The following BMPR1B variants were observed in gnomAD, a reference collection of about 807,000 sequenced individuals.
BMPR1B encodes the protein bone morphogenetic protein receptor type 1B.
In BMPR1B, 12 loss-of-function variants were observed where a neutral mutation model predicts 59.1. That is an observed-to-expected ratio of 0.20 (90% CI 0.13 to 0.33). The LOEUF is 0.33. BMPR1B is among the 10% of genes least tolerant of loss of function. The pLI, the probability that BMPR1B is intolerant of heterozygous loss-of-function variation, is 1.00. For missense variants in BMPR1B, 550 were observed against 610.9 expected, an observed-to-expected ratio of 0.90 and a Z score of 1.05; for synonymous variants, 237 against 207.3, an observed-to-expected ratio of 1.14 and a Z score of -1.23.
At chr4:95,114,645 G>GGC (rs1553939325) in intron 4 of BMPR1B, 75 bp from the exon 5 acceptor site, 1 of 900,540 alleles carries the variant, frequency 1.1e-6, no homozygotes, top group African/African-American at 1.7e-5. Context: ...TTTTCCCCTA[G>GGC]ACACACACAC....
At chr4:94,946,595 A>G (rs1578835025) in intron 2 of BMPR1B, among the ~76,000 whole-genome samples, 1 of 152,340 alleles carries the variant, frequency 6.6e-6, no homozygotes, top group East Asian at 1.9e-4. Context: ...GTTTGCCAAG[A>G]ATAGCTGAAA....
At chr4:94,970,345 ACT>A (rs1439633798) in intron 2 of BMPR1B, among the ~76,000 whole-genome samples, 6 of 111,356 alleles carry the variant, frequency 5.4e-5, no homozygotes, top group African/African-American at 2.1e-4. Flanking sequence ...TCGGAGTTTC[ACT>A]CTCTGTCACC....
chr4:95,095,473 T>C (rs1730300847), intron 3 of BMPR1B, among the ~76,000 whole-genome samples: 1 of 152,114 alleles, frequency 6.6e-6, no homozygotes, highest in African/African-American at 2.4e-5. Context: ...TTTCTTCCAC[T>C]AACCTCTTTA....
intron 2 of BMPR1B, among the ~76,000 whole-genome samples, chr4:94,914,213 G>C (rs1278837853): frequency 6.6e-6 from 1 of 152,114 alleles, no homozygotes; most frequent in Non-Finnish European, 1.5e-5. Context: ...TGTGCAGCTA[G>C]GTGGTCTCGA....
At chr4:95,004,245 A>C in intron 3 of BMPR1B, among the ~76,000 whole-genome samples, 1 of 152,120 alleles carries the variant, frequency 6.6e-6, no homozygotes, top group African/African-American at 2.4e-5. Flanking sequence ...TCTTTAACTC[A>C]AGGCAAACAA....
At chr4:95,149,037 C>G in intron 11 of BMPR1B, 114 bp downstream of exon 11, 1 of 1,393,962 alleles carries the variant, frequency 7.2e-7, no homozygotes, top group Non-Finnish European at 1.0e-6. Flanking sequence ...TTATTTTCCC[C>G]TTTATTTCTG....
intron 10 of BMPR1B, among the ~76,000 whole-genome samples, chr4:95,139,763 C>T (rs974639929): frequency 2.0e-5 from 3 of 152,128 alleles, no homozygotes; most frequent in African/African-American, 7.2e-5. Flanking sequence ...CCTGGTGTGC[C>T]GTTTGCTAAG....
chr4:94,848,206 A>G (rs1725415995), intron 1 of BMPR1B, among the ~76,000 whole-genome samples: 2 of 108,758 alleles, frequency 1.8e-5, no homozygotes, highest in South Asian at 3.6e-4. Flanking sequence ...AAAGGAAGCT[A>G]GATATCAGTT....
intron 2 of BMPR1B, among the ~76,000 whole-genome samples, chr4:94,945,120 A>G (rs536904749): frequency 1.3e-5 from 2 of 152,340 alleles, no homozygotes; most frequent in African/African-American, 4.8e-5. Flanking sequence ...CATTTAGCAC[A>G]TTGGCTAAGA....
intron 3 of BMPR1B, among the ~76,000 whole-genome samples, chr4:95,073,415 C>T (rs1728468619): frequency 1.3e-5 from 2 of 152,044 alleles, no homozygotes; most frequent in South Asian, 2.1e-4. Flanking sequence ...TGTGAAAACC[C>T]TTTTTTTATG....
intron 2 of BMPR1B, among the ~76,000 whole-genome samples, chr4:94,961,297 T>A (rs898929639): frequency 2.6e-5 from 4 of 152,158 alleles, no homozygotes; most frequent in African/African-American, 9.7e-5. Flanking sequence ...TGTTTATGTG[T>A]TGTCTAGGAC....
chr4:94,991,307 C>T (rs550528370), intron 2 of BMPR1B, among the ~76,000 whole-genome samples: 34 of 152,262 alleles, frequency 2.2e-4, no homozygotes, highest in African/African-American at 7.9e-4. Flanking sequence ...ACCTTGGGAG[C>T]CACCTTTATT....
rs1216699208 is a variant in BMPR1B, at chr4:94,949,308, C to CTTTTTTTTTTT, written c.-112-46723_-112-46713dup. Among the ~76,000 whole-genome samples the CTTTTTTTTTTT allele has an allele frequency of 2.6e-4, 21 of 81,954 alleles. 1 individual carries two copies. Among genetic ancestry groups the CTTTTTTTTTTT allele is most frequent in the African/African-American group, 8.9e-4 (16 of 18,066 alleles). The allele number at this position is 81,954 out of a possible 152,430, so 53.8% of individuals were successfully genotyped here. ...TCCCTGCAAAGGACATGAACTCATT[C>CTTTTTTTTTTT]TTTTTTTTTTTTTTTTTTTGAGACG... is the stretch of plus-strand genomic sequence containing the variant. On this transcript the variant is annotated intron_variant, in intron 2 of 12. Transcript: ENST00000515059.
chr4:95,141,621 A>G (rs1313414721), intron 10 of BMPR1B, among the ~76,000 whole-genome samples: 1 of 152,194 alleles, frequency 6.6e-6, no homozygotes, highest in Non-Finnish European at 1.5e-5. Context: ...GGACATCACC[A>G]TTACCTTCAA....
At chr4:94,796,157 G>C (rs922065510) in intron 1 of BMPR1B, among the ~76,000 whole-genome samples, 1 of 152,064 alleles carries the variant, frequency 6.6e-6, no homozygotes, top group African/African-American at 2.4e-5. Flanking sequence ...TAGAGATGGG[G>C]TTTCACCATG....
intron 5 of BMPR1B, 136 bp downstream of exon 5, chr4:95,114,958 G>A: frequency 1.2e-6 from 1 of 803,224 alleles, no homozygotes. Flanking sequence ...ATTTAGGTCA[G>A]CAACAGATGG....
At chr4:95,049,302 A>C (rs1422286154) in intron 3 of BMPR1B, among the ~76,000 whole-genome samples, 2 of 151,784 alleles carry the variant, frequency 1.3e-5, no homozygotes, top group Non-Finnish European at 2.9e-5. Context: ...TATTTTAGAG[A>C]CAGGGTCTTG....
At chr4:94,905,404 T>G (rs912118191) in intron 2 of BMPR1B, among the ~76,000 whole-genome samples, 6 of 152,030 alleles carry the variant, frequency 3.9e-5, no homozygotes, top group African/African-American at 1.4e-4. Context: ...ATTTGAAAAC[T>G]ATAGTTTTTA....
chr4:95,151,492 G>A (rs549430601), intron 11 of BMPR1B, among the ~76,000 whole-genome samples: 1 of 152,280 alleles, frequency 6.6e-6, no homozygotes, highest in African/African-American at 2.4e-5. Flanking sequence ...ATCTCATATG[G>A]AGGTAAAACA....
Sources: allele counts gnomAD v4.1 joint callset (sites outside exome capture counted in the v4.1 genomes callset), GRCh38; gene constraint gnomAD v4.1.1; transcripts MANE v1.5; gene names NCBI Gene and HGNC (gene_info 2026-07-23, HGNC 2026-07-21).